The following FSHR variants were observed in gnomAD, a reference collection of about 807,000 sequenced individuals.
The protein encoded by FSHR is follicle stimulating hormone receptor.
Under a neutral mutation model 52.1 loss-of-function variants are expected in FSHR, and 46 were observed. The observed-to-expected ratio is 0.88, with a 90% CI of 0.70 to 1.13. The LOEUF (loss-of-function observed/expected upper bound fraction) is 1.13. Among genes scored for constraint, FSHR ranks in the 50% most tolerant of loss-of-function variants. The probability of loss-of-function intolerance (pLI) is 0.00; values close to 1 mark genes in which losing one functional copy is unlikely to be tolerated. For synonymous variants in FSHR, 399 were observed against 309.6 expected, an observed-to-expected ratio of 1.29 and a Z score of -3.03; for missense variants, 964 against 834.6, an observed-to-expected ratio of 1.16 and a Z score of -1.91.
intron 1 of FSHR, among the ~76,000 whole-genome samples, chr2:49,151,390 C>T (rs1354848777): frequency 1.3e-5 from 2 of 152,166 alleles, no homozygotes; most frequent in East Asian, 3.9e-4. Context: ...ACAAAACATA[C>T]TGCATAAAGC....
chr2:49,151,893 C>T (rs1673076559), intron 1 of FSHR, among the ~76,000 whole-genome samples: 1 of 152,126 alleles, frequency 6.6e-6, no homozygotes, highest in African/African-American at 2.4e-5. Context: ...ATTCACTTGA[C>T]ATTTTATCTA....
intron 2 of FSHR, among the ~76,000 whole-genome samples, chr2:49,036,217 G>A (rs1349829974): frequency 1.3e-5 from 2 of 152,090 alleles, no homozygotes; most frequent in Admixed American, 6.5e-5. Flanking sequence ...TGTGATGAGA[G>A]GTACGGTGGC....
Position 49,021,831 on chromosome 2 carries a change from T to TTTTCTCTCTC in FSHR, c.225-1672_225-1671insGAGAGAGAAA, listed in dbSNP as rs760578631. Among the ~76,000 whole-genome samples, 78 of 46,302 alleles carry TTTTCTCTCTC rather than the reference T, an allele frequency of 1.7e-3. 2 individuals carry two copies. The highest frequency in any genetic ancestry group is 4.3e-3 in the East Asian group (4 of 938). The allele number at this position is 46,302 out of a possible 152,430, so 30.4% of individuals were successfully genotyped here. The stretch of plus-strand genomic sequence containing the variant: ...ACATAAATAAGGGTGGGGTATGTGT[T>TTTTCTCTCTC]TCTCTCTCTCTCTCTCTCTCTCTCT... On this transcript the variant is annotated intron_variant, in intron 2 of 9. Transcript: ENST00000406846.
chr2:48,968,944 G>A, intron 8 of FSHR, 61 bp from the exon 9 acceptor site: 1 of 1,474,822 alleles, frequency 6.8e-7, no homozygotes, highest in Non-Finnish European at 9.4e-7. Context: ...TCTGCTCTTG[G>A]TTAGCAGGCA....
chr2:49,102,379 T>A (rs1671061424), intron 1 of FSHR, among the ~76,000 whole-genome samples: 1 of 152,054 alleles, frequency 6.6e-6, no homozygotes, highest in Non-Finnish European at 1.5e-5. Flanking sequence ...AGTCTAAATC[T>A]ATAAAAGGGA....
chr2:49,073,527 A>G lies in FSHR; in HGVS notation c.153-5237T>C, dbSNP rs150444933. Among the ~76,000 whole-genome samples, 6 of 152,156 alleles carry G rather than the reference A, an allele frequency of 3.9e-5. No homozygotes were observed. In the East Asian group the frequency reaches 1.2e-3, roughly 29 times the overall value. On this transcript the variant is annotated intron_variant, in intron 1 of 9. Coordinates refer to ENST00000406846, the MANE Select transcript of FSHR (RefSeq NM_000145.4). ...AGACCTTCACAAGGGAAACTACAGA[A>G]CACTAATAAAAGAAATTAAAGAAGA... is the stretch of plus-strand genomic sequence containing the variant.
At chr2:49,048,429 T>C (rs112789179) in intron 2 of FSHR, among the ~76,000 whole-genome samples, 2,628 of 152,208 alleles carry the variant, frequency 0.017, 63 homozygotes, top group African/African-American at 0.055. Flanking sequence ...TCGAGGAATA[T>C]GGGAAGAGGG....
At chr2:48,986,514 T>C (rs982920271) in intron 6 of FSHR, among the ~76,000 whole-genome samples, 1 of 151,714 alleles carries the variant, frequency 6.6e-6, no homozygotes. Context: ...ATGAATTACA[T>C]GATTTTATTG....
intron 1 of FSHR, among the ~76,000 whole-genome samples, chr2:49,120,206 G>A (rs1282433229): frequency 2.6e-5 from 4 of 152,172 alleles, no homozygotes; most frequent in African/African-American, 9.7e-5. Context: ...GAGAGGCGAA[G>A]GTTGCAGTGA....
At chr2:48,982,723 G>T (rs1573042304) in intron 8 of FSHR, among the ~76,000 whole-genome samples, 189 bp downstream of exon 8, 1 of 152,242 alleles carries the variant, frequency 6.6e-6, no homozygotes, top group Non-Finnish European at 1.5e-5. Flanking sequence ...TATTAGTGTT[G>T]CTTTTTAATG....
intron 2 of FSHR, among the ~76,000 whole-genome samples, chr2:49,059,443 G>T (rs1669201790): frequency 6.6e-6 from 1 of 151,660 alleles, no homozygotes; most frequent in Non-Finnish European, 1.5e-5. Flanking sequence ...ATAGACCAAT[G>T]GAACAGAATA....
At chr2:49,080,359 C>T (rs1670122499) in intron 1 of FSHR, among the ~76,000 whole-genome samples, 1 of 152,262 alleles carries the variant, frequency 6.6e-6, no homozygotes, top group South Asian at 2.1e-4. Flanking sequence ...TTCTCTCTGC[C>T]ACATGTACAC....
intron 2 of FSHR, among the ~76,000 whole-genome samples, 192 bp downstream of exon 2, chr2:49,068,027 A>G (rs761629320): frequency 1.4e-4 from 21 of 151,286 alleles, no homozygotes; most frequent in East Asian, 1.9e-4. Context: ...GCTCATTTCA[A>G]TGGCCTCAGT....
chr2:48,995,007 T>C (rs992640257), intron 4 of FSHR, among the ~76,000 whole-genome samples: 1 of 152,188 alleles, frequency 6.6e-6, no homozygotes, highest in African/African-American at 2.4e-5. Context: ...TGCCATAGGA[T>C]AATATGCTTG....
chr2:49,067,678 T>C (rs1486947564), intron 2 of FSHR, among the ~76,000 whole-genome samples: 1 of 152,084 alleles, frequency 6.6e-6, no homozygotes, highest in East Asian at 1.9e-4. Context: ...ACTAGCGCAA[T>C]GTGAACTGAA....
chr2:49,027,054 G>T (rs983115101), intron 2 of FSHR, among the ~76,000 whole-genome samples: 9 of 152,034 alleles, frequency 5.9e-5, no homozygotes, highest in Non-Finnish European at 5.9e-5. Flanking sequence ...CCCTAGTCAC[G>T]ACCCCTGCCA....
chr2:49,116,655 G>A (rs1008039071), intron 1 of FSHR, among the ~76,000 whole-genome samples: 1 of 152,124 alleles, frequency 6.6e-6, no homozygotes, highest in Non-Finnish European at 1.5e-5. Context: ...CATGTATGTA[G>A]CCAATAGCTT....
intron 3 of FSHR, among the ~76,000 whole-genome samples, chr2:49,019,684 G>C (rs1442363075): frequency 6.6e-6 from 1 of 152,190 alleles, no homozygotes; most frequent in Non-Finnish European, 1.5e-5. Flanking sequence ...ATCTATCTTG[G>C]CCAAGGTTTC....
chr2:49,020,831 C>T (rs866547988), intron 2 of FSHR, among the ~76,000 whole-genome samples: 8 of 152,046 alleles, frequency 5.3e-5, no homozygotes, highest in South Asian at 2.1e-4. Context: ...TAATGTCTAA[C>T]GTAGGAACAG....
Sources: allele counts gnomAD v4.1 joint callset (sites outside exome capture counted in the v4.1 genomes callset), GRCh38; gene constraint gnomAD v4.1.1; transcripts MANE v1.5; gene names NCBI Gene and HGNC (gene_info 2026-07-23, HGNC 2026-07-21).